SNTG2: variants seen among roughly 807,000 people sequenced by gnomAD.
SNTG2 encodes gamma-2-syntrophin.
In SNTG2, 74 loss-of-function variants were observed where a neutral mutation model predicts 70.9. That is an observed-to-expected ratio of 1.04 (90% CI 0.86 to 1.27). The LOEUF (loss-of-function observed/expected upper bound fraction) is 1.27, where lower values mean the gene tolerates loss of function less well. Ranked by LOEUF, SNTG2 falls within the 50% of genes most tolerant of loss-of-function variation. The pLI, the probability that SNTG2 is intolerant of heterozygous loss-of-function variation, is 0.00. For missense variants in SNTG2, 717 were observed against 690.7 expected (o/e 1.04, Z -0.43); for synonymous variants, 278 against 273.8 (o/e 1.02, Z -0.15).
At chr2:1,153,572 G>C (rs1669661614) in intron 6 of SNTG2, among the ~76,000 whole-genome samples, 1 of 152,210 alleles carries the variant, frequency 6.6e-6, no homozygotes, top group African/African-American at 2.4e-5. Flanking sequence ...CAAAGGGAAA[G>C]CCTCACGGAA....
intron 8 of SNTG2, among the ~76,000 whole-genome samples, chr2:1,193,105 A>G (rs972966747): frequency 6.6e-6 from 1 of 152,208 alleles, no homozygotes; most frequent in African/African-American, 2.4e-5. Context: ...CTGTGGCCCC[A>G]TTACATAGTC....
At chr2:1,218,511 A>G (rs917160538) in intron 9 of SNTG2, among the ~76,000 whole-genome samples, 2 of 152,348 alleles carry the variant, frequency 1.3e-5, no homozygotes, top group Non-Finnish European at 2.9e-5. Context: ...GTTCTTCCAC[A>G]TGGTACCGTT....
rs1675148651 is a variant in SNTG2 at position 1,222,073 on chromosome 2, G to GCCTA, written c.719+12843_719+12844insCCTA. Among the ~76,000 whole-genome samples, 6 of 4,632 alleles carry GCCTA rather than the reference G, an allele frequency of 1.3e-3. 1 individual carries two copies. Among genetic ancestry groups the GCCTA allele is most frequent in the African/African-American group, 5.2e-3 (5 of 956 alleles). 3.0% of individuals were successfully genotyped at this position (4,632 alleles called of 152,430 possible). ...TCTCTCTCTGTCTCTGTTTCTCTCT[G>GCCTA]TCTCTGTCTCTGTCTCTCTCTGTCT... On this transcript the variant is annotated intron_variant, in intron 9 of 16. Coordinates refer to ENST00000308624, the MANE Select transcript of SNTG2 (RefSeq NM_018968.4).
chr2:1,253,464 A>T (rs962610336), intron 12 of SNTG2, among the ~76,000 whole-genome samples: 1 of 152,206 alleles, frequency 6.6e-6, no homozygotes, highest in Non-Finnish European at 1.5e-5. Flanking sequence ...TCACTATGCA[A>T]TAATGTAGAA....
rs1048824227 is a variant in SNTG2 at position 1,303,507 on chromosome 2, C to T, written c.1285-4987C>T. On this transcript the variant is annotated intron_variant, in intron 14 of 16. Transcript: ENST00000308624. Reference sequence around the variant, plus strand: ...GAATCAGGGCTGCGCAGGAAATTTACGGCATTAACAGCATGCATTCATTAG... The same window carrying T: ...GAATCAGGGCTGCGCAGGAAATTTATGGCATTAACAGCATGCATTCATTAG... 5.3e-5 allele frequency among the ~76,000 whole-genome samples: 8 copies of T among 152,100 alleles called. No homozygotes were observed. In the South Asian group the frequency reaches 6.2e-4, roughly 12 times the overall value.
At chr2:1,137,545 G>A (rs1668473578) in intron 4 of SNTG2, 77 bp from the exon 5 acceptor site, 1 of 1,511,842 alleles carries the variant, frequency 6.6e-7, no homozygotes, top group African/African-American at 1.4e-5. Context: ...TGCAAGCCCT[G>A]TGCTTAAATG....
At chr2:1,196,526 C>G (rs6720536) in intron 8 of SNTG2, among the ~76,000 whole-genome samples, 49,321 of 151,974 alleles carry the variant, frequency 0.32, 8,540 homozygotes, top group East Asian at 0.65. Context: ...GAAAGCTTAA[C>G]AATCACCAAA....
intron 13 of SNTG2, among the ~76,000 whole-genome samples, chr2:1,266,256 G>GA (rs986087389): frequency 6.6e-6 from 1 of 152,262 alleles, no homozygotes; most frequent in East Asian, 1.9e-4. Context: ...CCTCCATGCT[G>GA]TTGACCTAGT....
chr2:986,520 A>C (rs1157040908), intron 1 of SNTG2, among the ~76,000 whole-genome samples: 1 of 152,248 alleles, frequency 6.6e-6, no homozygotes, highest in Non-Finnish European at 1.5e-5. Context: ...TTAAAAAGGG[A>C]AGATTTCAGA....
At chr2:1,232,386 G>A (rs1157766576) in intron 9 of SNTG2, among the ~76,000 whole-genome samples, 1 of 151,556 alleles carries the variant, frequency 6.6e-6, no homozygotes, top group African/African-American at 2.4e-5. Context: ...TGCAACCTCC[G>A]CCTCCCAGGT....
intron 14 of SNTG2, among the ~76,000 whole-genome samples, 192 bp from the exon 15 acceptor site, chr2:1,308,302 A>G (rs1680804005): frequency 6.6e-6 from 1 of 152,130 alleles, no homozygotes; most frequent in South Asian, 2.1e-4. Flanking sequence ...GACAAAAAGC[A>G]AGAAAGAACC....
At position 1,288,971 on chromosome 2, in the gene SNTG2, T is replaced by C. The variant is rs573466880; in HGVS notation, c.1285-19523T>C. 7.9e-5 allele frequency among the ~76,000 whole-genome samples: 12 copies of C among 152,272 alleles called. No individual in the cohort carries two copies. The South Asian group carries it at 2.5e-3, about 32-fold the overall frequency. ...CTGGTCTACTCTTACGCCTGATTCC[T>C]TTCAGCCTTGGCCTTTGAGATTGTT... On this transcript the variant is annotated intron_variant, in intron 14 of 16. Coordinates refer to ENST00000308624, the MANE Select transcript of SNTG2 (RefSeq NM_018968.4).
chr2:1,096,088 T>C (rs1174686836), intron 2 of SNTG2, among the ~76,000 whole-genome samples: 1 of 152,208 alleles, frequency 6.6e-6, no homozygotes, highest in Non-Finnish European at 1.5e-5. Flanking sequence ...CGTCCATGTG[T>C]TGAGGAGGAA....
chr2:1,047,087 C>T (rs550490634), intron 1 of SNTG2, among the ~76,000 whole-genome samples: 28 of 152,090 alleles, frequency 1.8e-4, no homozygotes, highest in Non-Finnish European at 3.4e-4. Flanking sequence ...TGTGTTAATT[C>T]AAAGAACTGG....
intron 14 of SNTG2, among the ~76,000 whole-genome samples, chr2:1,288,140 A>G (rs1225026935): frequency 1.3e-5 from 2 of 152,240 alleles, no homozygotes; most frequent in Admixed American, 6.5e-5. Flanking sequence ...TGCCTGGCAC[A>G]TGGTAAATGC....
chr2:1,134,501 G>C (rs540889958), intron 4 of SNTG2, among the ~76,000 whole-genome samples: 22 of 151,318 alleles, frequency 1.5e-4, no homozygotes, highest in Admixed American at 2.0e-4. Flanking sequence ...ACAGAGTGTC[G>C]ATTGGTGCAT....
At chr2:1,236,591 T>G (rs1404763704) in intron 9 of SNTG2, among the ~76,000 whole-genome samples, 1 of 152,220 alleles carries the variant, frequency 6.6e-6, no homozygotes, top group Non-Finnish European at 1.5e-5. Context: ...TAGATAAACC[T>G]CACATTCTGA....
chr2:1,269,189 T>G (rs1678895276), intron 14 of SNTG2, among the ~76,000 whole-genome samples: 1 of 152,152 alleles, frequency 6.6e-6, no homozygotes, highest in Non-Finnish European at 1.5e-5. Flanking sequence ...TCCTTATGTT[T>G]CGTACTGTCC....
chr2:1,022,344 T>A (rs1443061819), intron 1 of SNTG2, among the ~76,000 whole-genome samples: 1 of 151,918 alleles, frequency 6.6e-6, no homozygotes, highest in Non-Finnish European at 1.5e-5. Context: ...TGTGTTCCCG[T>A]GAGCCTGTGC....
Sources: gnomAD v4.1 joint callset for allele counts (sites outside exome capture counted in the v4.1 genomes callset) on GRCh38, gnomAD v4.1.1 for gene constraint, MANE v1.5 for transcripts, NCBI Gene and HGNC (gene_info 2026-07-23, HGNC 2026-07-21) for gene names.